The following GPC5 variants were observed in gnomAD, a reference collection of about 807,000 sequenced individuals.
GPC5 encodes glypican 5.
GPC5 carries 47 observed loss-of-function variants against 53.9 expected under a neutral mutation model. That is an observed-to-expected ratio of 0.87 (90% CI 0.69 to 1.11). GPC5 has a LOEUF of 1.11. GPC5 is among the 50% of genes most tolerant of loss of function. The pLI, the probability that GPC5 is intolerant of heterozygous loss-of-function variation, is 0.00. For synonymous variants in GPC5, 286 were observed against 263.3 expected, an observed-to-expected ratio of 1.09 and a Z score of -0.84; for missense variants, 748 against 713.1, an observed-to-expected ratio of 1.05 and a Z score of -0.56.
chr13:92,377,725 TTTTG>T (rs1057182249), intron 7 of GPC5, among the ~76,000 whole-genome samples: 4 of 152,204 alleles, frequency 2.6e-5, no homozygotes, highest in Admixed American at 2.0e-4. Flanking sequence ...TAATAATGCT[TTTTG>T]TTTGTTTTCT....
intron 7 of GPC5, among the ~76,000 whole-genome samples, chr13:92,730,604 C>CT (rs146004832): frequency 0.17 from 24,764 of 149,656 alleles, 2,394 homozygotes; most frequent in Non-Finnish European, 0.23. Context: ...CTTTTTATTT[C>CT]TTTTTTTTTG....
intron 1 of GPC5, among the ~76,000 whole-genome samples, chr13:91,404,131 G>T (rs957819115): frequency 3.3e-5 from 5 of 152,124 alleles, no homozygotes. Flanking sequence ...GGTATTTTTG[G>T]TGTGTACATG....
intron 7 of GPC5, among the ~76,000 whole-genome samples, chr13:92,570,417 C>A (rs2139040185): frequency 6.6e-6 from 1 of 152,116 alleles, no homozygotes; most frequent in African/African-American, 2.4e-5. Context: ...TTTCAGTTTA[C>A]TGAGAGGATT....
chr13:92,794,029 T>C (rs1168055299), intron 7 of GPC5, among the ~76,000 whole-genome samples: 1 of 152,108 alleles, frequency 6.6e-6, no homozygotes, highest in African/African-American at 2.4e-5. Flanking sequence ...CCCTAACTCA[T>C]CTTATGAGGC....
Position 91,772,200 on chromosome 13 carries a change from C to T in GPC5, c.1280+15780C>T, listed in dbSNP as rs149879528. On this transcript the variant is annotated intron_variant, in intron 5 of 7. Coordinates refer to ENST00000377067, the MANE Select transcript of GPC5 (RefSeq NM_004466.6). ...TATTTTATTGTAGTTCCTGTAGTTCCGTATCAGAACACAGAAGTTTATCAG... is the reference window on the plus strand; with the variant it reads ...TATTTTATTGTAGTTCCTGTAGTTCTGTATCAGAACACAGAAGTTTATCAG... Among the ~76,000 whole-genome samples, 215 of 152,126 alleles carry T rather than the reference C, an allele frequency of 1.4e-3. 1 individual carries two copies. Among genetic ancestry groups the T allele is most frequent in the African/African-American group, 3.6e-3 (148 of 41,508 alleles).
intron 5 of GPC5, among the ~76,000 whole-genome samples, chr13:91,776,631 A>G (rs1211119361): frequency 1.3e-5 from 2 of 152,202 alleles, no homozygotes; most frequent in Non-Finnish European, 2.9e-5. Context: ...CTGGAAATCT[A>G]GTGCTAGAGC....
intron 2 of GPC5, among the ~76,000 whole-genome samples, chr13:91,572,071 A>G (rs1464303038): frequency 7.1e-6 from 1 of 140,874 alleles, no homozygotes; most frequent in Non-Finnish European, 1.5e-5. Flanking sequence ...ACATGTATAT[A>G]CACACATATG....
chr13:91,771,806 AGATAT>A (rs2037630429), intron 5 of GPC5, among the ~76,000 whole-genome samples: 1 of 152,240 alleles, frequency 6.6e-6, no homozygotes, highest in Non-Finnish European at 1.5e-5. Flanking sequence ...AAATACAGAA[AGATAT>A]GATATCTTAC....
At chr13:92,445,843 T>A (rs9561048) in intron 7 of GPC5, among the ~76,000 whole-genome samples, 1 of 151,968 alleles carries the variant, frequency 6.6e-6, no homozygotes, top group Non-Finnish European at 1.5e-5. Flanking sequence ...AATGCCAAGA[T>A]CATAGCTCAC....
In GPC5 at chr13:92,056,954, A is replaced by G. The variant is rs541774378; in HGVS notation, c.1402-87876A>G. 7.1e-4 allele frequency among the ~76,000 whole-genome samples: 108 copies of G among 152,312 alleles called. 2 individuals carry two copies. The highest frequency in any genetic ancestry group is 1.1e-3 in the Admixed American group (17 of 15,284). On this transcript the variant is annotated intron_variant, in intron 6 of 7. Coordinates refer to ENST00000377067, the MANE Select transcript of GPC5 (RefSeq NM_004466.6). ...TAATAGAAACAGATGCTTTTGCTAA[A>G]TACCCTGTAAAGACCTCTTACTCCC...
At chr13:92,339,166 C>T (rs2139245777) in intron 7 of GPC5, among the ~76,000 whole-genome samples, 1 of 150,986 alleles carries the variant, frequency 6.6e-6, no homozygotes, top group Admixed American at 6.6e-5. Flanking sequence ...ACATATGTAT[C>T]ATATGTATTT....
chr13:92,285,320 G>T (rs2139175285), intron 7 of GPC5, among the ~76,000 whole-genome samples: 1 of 152,226 alleles, frequency 6.6e-6, no homozygotes, highest in Middle Eastern at 3.4e-3. Flanking sequence ...ACTGCCCAAG[G>T]TAATTTATAG....
At chr13:91,704,792 C>T (rs182068093) in intron 3 of GPC5, among the ~76,000 whole-genome samples, 23 of 152,160 alleles carry the variant, frequency 1.5e-4, no homozygotes, top group Non-Finnish European at 2.4e-4. Flanking sequence ...CTCTGGCTAC[C>T]CTAACCCCTT....
chr13:91,433,827 A>T (rs1317630809), intron 1 of GPC5, among the ~76,000 whole-genome samples: 1 of 151,948 alleles, frequency 6.6e-6, no homozygotes, highest in Non-Finnish European at 1.5e-5. Flanking sequence ...ACAGTGTAAA[A>T]GTGTTCCTAT....
At chr13:92,470,141 G>A (rs963705741) in intron 7 of GPC5, among the ~76,000 whole-genome samples, 6 of 152,074 alleles carry the variant, frequency 3.9e-5, no homozygotes, top group Non-Finnish European at 7.4e-5. Context: ...CAACCTTAGG[G>A]CATGTTTAAG....
chr13:92,153,509 G>A (rs535865083), intron 7 of GPC5, among the ~76,000 whole-genome samples: 5 of 152,260 alleles, frequency 3.3e-5, no homozygotes, highest in Middle Eastern at 3.4e-3. Flanking sequence ...GTATTTTGTT[G>A]ATGAATATTG....
intron 7 of GPC5, among the ~76,000 whole-genome samples, chr13:92,764,078 A>T (rs1159787575): frequency 6.6e-6 from 1 of 152,122 alleles, no homozygotes; most frequent in East Asian, 1.9e-4. Context: ...GTACCATGTC[A>T]GCTCAGCCGT....
At chr13:92,716,705 A>G (rs769330801) in intron 7 of GPC5, among the ~76,000 whole-genome samples, 1 of 152,156 alleles carries the variant, frequency 6.6e-6, no homozygotes, top group Non-Finnish European at 1.5e-5. Context: ...TATTTTATCA[A>G]TCTTTCAGGA....
At chr13:92,174,351 C>T (rs148035460) in intron 7 of GPC5, among the ~76,000 whole-genome samples, 1 of 142,904 alleles carries the variant, frequency 7.0e-6, no homozygotes, top group Admixed American at 7.1e-5. Flanking sequence ...GAAACCCTGT[C>T]TCTACTAAAA....
Sources: gnomAD v4.1 joint callset for allele counts (sites outside exome capture counted in the v4.1 genomes callset) on GRCh38, gnomAD v4.1.1 for gene constraint, MANE v1.5 for transcripts, NCBI Gene and HGNC (gene_info 2026-07-23, HGNC 2026-07-21) for gene names.